The following DOCK3 variants were observed in gnomAD, a reference collection of about 807,000 sequenced individuals.
DOCK3 encodes dedicator of cytokinesis protein 3.
In DOCK3, 60 loss-of-function variants were observed where a neutral mutation model predicts 265.6. The observed-to-expected ratio is 0.23, with a 90% confidence interval of 0.18 to 0.28. The LOEUF is 0.28. DOCK3 is among the 10% of genes least tolerant of loss of function. The probability of loss-of-function intolerance (pLI) is 1.00; values close to 1 mark genes in which losing one functional copy is unlikely to be tolerated. For synonymous variants in DOCK3, 881 were observed against 938.0 expected, an observed-to-expected ratio of 0.94 and a Z score of 1.11; for missense variants, 1,981 against 2,594.3, an observed-to-expected ratio of 0.76 and a Z score of 5.14.
At chr3:50,747,589 C>T (rs1366481479) in intron 1 of DOCK3, among the ~76,000 whole-genome samples, 1 of 152,042 alleles carries the variant, frequency 6.6e-6, no homozygotes, top group Non-Finnish European at 1.5e-5. Context: ...TCTGGCTGGG[C>T]GTGGTGGCTC....
At position 51,374,341 on chromosome 3, in the gene DOCK3, G is replaced by T; in HGVS notation, c.5294-128G>T. The stretch of plus-strand genomic sequence containing the variant: ...ACTCTGCTTCATTCCTCCTGTGCTT[G>T]CTGAGTTCATCCTCACCCTAACTGT... On this transcript the variant is annotated intron_variant, in intron 49 of 52. Coordinates refer to ENST00000266037, the MANE Select transcript of DOCK3 (RefSeq NM_004947.5). The surrounding 1 kb of genome is among the most constrained non-coding windows in gnomAD (Gnocchi z 4.8). 3.8e-6 allele frequency: 3 copies of T among 791,508 alleles called. No homozygotes were observed. Among genetic ancestry groups the T allele is most frequent in the South Asian group, 1.7e-5 (1 of 60,444 alleles). The allele number at this position is 791,508 out of a possible 1,614,324, so 49.0% of individuals were successfully genotyped here. A position where few individuals can be genotyped will look rare whatever the true frequency, so the allele number is the denominator to read the frequency against.
chr3:51,130,342 C>T (rs965794906), intron 9 of DOCK3, among the ~76,000 whole-genome samples: 1 of 152,178 alleles, frequency 6.6e-6, no homozygotes, highest in Non-Finnish European at 1.5e-5. Context: ...TGAGGTAGGA[C>T]AGTAAAGATA....
chr3:51,362,081 T>C, intron 48 of DOCK3, 84 bp downstream of exon 48: 1 of 1,472,826 alleles, frequency 6.8e-7, no homozygotes, highest in East Asian at 2.5e-5. Context: ...TCTGAGGGCT[T>C]GGCAACCCTG....
At chr3:51,102,191 G>T (rs1460438273) in intron 9 of DOCK3, among the ~76,000 whole-genome samples, 1 of 152,182 alleles carries the variant, frequency 6.6e-6, no homozygotes, top group African/African-American at 2.4e-5. Context: ...AGGTGTTTCT[G>T]TCAGAGCCAG....
intron 9 of DOCK3, among the ~76,000 whole-genome samples, chr3:51,140,389 A>G (rs923000775): frequency 6.6e-6 from 1 of 152,150 alleles, no homozygotes; most frequent in African/African-American, 2.4e-5. Flanking sequence ...ATTACTTAGA[A>G]TATTGTTTTC....
In DOCK3 at chr3:51,256,599, T is replaced by TG. The variant is rs542492453; in HGVS notation, c.2185-3557_2185-3556insG. Among the ~76,000 whole-genome samples the TG allele has an allele frequency of 1.3e-3, 199 of 150,520 alleles. 1 individual carries two copies. Among genetic ancestry groups the TG allele is most frequent in the South Asian group, 4.8e-3 (23 of 4,752 alleles). On this transcript the variant is annotated intron_variant, in intron 22 of 52. Transcript: ENST00000266037. ...AGCTTGAGTTTTCGTTTTTGTTTTT[T>TG]TTTTTTTTTTTTAGATGGAGTCTCA...
chr3:51,246,776 T>C lies in DOCK3; in HGVS notation c.2153T>C (p.Ile718Thr). The C allele has an allele frequency of 6.2e-7, 1 of 1,613,592 alleles. No homozygotes were observed. The highest frequency in any genetic ancestry group is 8.5e-7 in the Non-Finnish European group (1 of 1,179,738). Reference protein sequence around the residue: ...KWYMDCSAELIRQDHIQEAMR... With the variant: ...KWYMDCSAELTRQDHIQEAMR... ...TATATGGACTGCTCAGCAGAACTGA[T>C]TCGACAGGACCACATTCAAGAAGCT... is the stretch of plus-strand genomic sequence containing the variant. Residue 718 changes from isoleucine (I) to threonine (T), a missense_variant, in exon 22 of 53, where the codon ATT becomes ACT. Coordinates refer to ENST00000266037, the MANE Select transcript of DOCK3 (RefSeq NM_004947.5).
At chr3:50,693,002 G>A (rs191822583) in intron 1 of DOCK3, among the ~76,000 whole-genome samples, 21 of 152,266 alleles carry the variant, frequency 1.4e-4, no homozygotes, top group Middle Eastern at 3.4e-3. Flanking sequence ...CTCATTAAAT[G>A]GTCTTGGCAC....
At chr3:51,292,742 A>G (rs2081857398) in intron 27 of DOCK3, among the ~76,000 whole-genome samples, 1 of 152,208 alleles carries the variant, frequency 6.6e-6, no homozygotes, top group African/African-American at 2.4e-5. Context: ...CAGTAGCACA[A>G]TCTTGGCTCA....
At chr3:50,987,139 T>C (rs1275505977) in intron 5 of DOCK3, among the ~76,000 whole-genome samples, 2 of 152,236 alleles carry the variant, frequency 1.3e-5, no homozygotes, top group Non-Finnish European at 2.9e-5. Flanking sequence ...AATTACTGTT[T>C]CCTTACGGTC....
chr3:51,135,330 G>A (rs1015262956), intron 9 of DOCK3, among the ~76,000 whole-genome samples: 1 of 152,134 alleles, frequency 6.6e-6, no homozygotes, highest in Non-Finnish European at 1.5e-5. Context: ...TGCTACTGTT[G>A]TCTCTCTGGA....
chr3:50,769,636 C>A (rs559558423), intron 1 of DOCK3, among the ~76,000 whole-genome samples: 3 of 151,778 alleles, frequency 2.0e-5, no homozygotes, highest in Non-Finnish European at 4.4e-5. Context: ...CATGGTGAAA[C>A]CCTGTCTCTA....
intron 2 of DOCK3, among the ~76,000 whole-genome samples, chr3:50,791,490 T>A (rs1271327355): frequency 6.6e-6 from 1 of 152,072 alleles, no homozygotes; most frequent in Non-Finnish European, 1.5e-5. Flanking sequence ...GCCAGGTTGG[T>A]CTGGAACTCC....
intron 5 of DOCK3, among the ~76,000 whole-genome samples, chr3:51,019,483 G>T (rs936427629): frequency 3.3e-5 from 5 of 151,424 alleles, no homozygotes; most frequent in African/African-American, 1.2e-4. Flanking sequence ...AAATTTTATT[G>T]TAAGTTCTGG....
At chr3:51,261,782 A>G (rs563551050) in intron 23 of DOCK3, among the ~76,000 whole-genome samples, 30 of 152,072 alleles carry the variant, frequency 2.0e-4, no homozygotes, top group African/African-American at 7.0e-4. Context: ...CTCACAGTGT[A>G]AAAAAAAGCT....
At chr3:51,270,596 A>G (rs899360122) in intron 23 of DOCK3, among the ~76,000 whole-genome samples, 3 of 152,160 alleles carry the variant, frequency 2.0e-5, no homozygotes, top group Non-Finnish European at 4.4e-5. Flanking sequence ...AAAGCCTCCA[A>G]TTGCCTGGAT....
intron 2 of DOCK3, among the ~76,000 whole-genome samples, chr3:50,815,879 A>C (rs1301185925): frequency 6.6e-6 from 1 of 152,220 alleles, no homozygotes; most frequent in Non-Finnish European, 1.5e-5. Flanking sequence ...CAGAATGTGC[A>C]TTTTGTAAGG....
intron 5 of DOCK3, among the ~76,000 whole-genome samples, chr3:50,941,493 A>G (rs1239983247): frequency 6.6e-6 from 1 of 152,098 alleles, no homozygotes; most frequent in African/African-American, 2.4e-5. Context: ...CCACTTGGAG[A>G]AAAATTTGGA....
intron 27 of DOCK3, among the ~76,000 whole-genome samples, chr3:51,294,523 A>G (rs1468212161): frequency 6.6e-6 from 1 of 151,976 alleles, no homozygotes; most frequent in African/African-American, 2.4e-5. Flanking sequence ...CTAAAAATAC[A>G]AAAAAATAGC....
Sources: allele counts gnomAD v4.1 joint callset (sites outside exome capture counted in the v4.1 genomes callset), GRCh38; gene constraint gnomAD v4.1.1; non-coding constraint Gnocchi (gnomAD v3.1); transcripts MANE v1.5; gene names NCBI Gene and HGNC (gene_info 2026-07-23, HGNC 2026-07-21).